The following DNAH3 variants were observed in gnomAD, a reference collection of about 807,000 sequenced individuals.
DNAH3 encodes the protein dynein axonemal heavy chain 3, also known as axonemal beta dynein heavy chain 3.
In DNAH3, 332 loss-of-function variants were observed where a neutral mutation model predicts 432.5. The ratio of observed to expected loss-of-function variants is 0.77; its 90% CI spans 0.70 to 0.84. DNAH3 has a LOEUF of 0.84. Ranked by LOEUF, DNAH3 falls within the 40% of genes least tolerant of loss-of-function variation. The pLI is 0.00. For missense variants in DNAH3, 4,861 were observed against 5,114.0 expected (o/e 0.95, Z 1.51); for synonymous variants, 1,956 against 1,900.2 (o/e 1.03, Z -0.76).
At position 21,097,472 on chromosome 16, in the gene DNAH3, C is replaced by T. The variant is rs200239399; in HGVS notation, c.2548G>A (p.Glu850Lys). The T allele has an allele frequency of 6.2e-7, 1 of 1,613,822 alleles. No individual in the cohort carries two copies. Among genetic ancestry groups the T allele is most frequent in the East Asian group, 2.2e-5 (1 of 44,868 alleles). ...AGAGGGTAAGTACTCTTCTCCTTTT[C>T]CAATAGCTCTTCCTCCTTATTGATC... The change falls in exon 18 of 62, where the codon GAA (glutamate) becomes AAA (lysine). Residue 850 changes from glutamate (E) to lysine (K), a missense_variant. Glu to Lys is a moderately conservative substitution (Grantham distance 56). Transcript: ENST00000261383.
At chr16:21,121,194 T>A in intron 10 of DNAH3, 1 of 400,484 alleles carries the variant, frequency 2.5e-6, no homozygotes, top group Non-Finnish European at 4.8e-6. Flanking sequence ...GGCCCTTTGG[T>A]CATACCAACC....
At chr16:20,944,727 C>T (rs1274084067) in intron 57 of DNAH3, 64 bp from the exon 58 acceptor site, 15 of 1,513,250 alleles carry the variant, frequency 9.9e-6, no homozygotes, top group Non-Finnish European at 1.4e-5. Flanking sequence ...TGACTCCAGG[C>T]TTAGCAGAAC....
intron 30 of DNAH3, 96 bp from the exon 31 acceptor site, chr16:21,049,778 G>C (rs1281670654): frequency 1.5e-6 from 2 of 1,368,660 alleles, no homozygotes; most frequent in African/African-American, 2.9e-5. Context: ...CTCTCTCCTT[G>C]CTCTGCTTGA....
At chr16:21,113,953 G>A (rs1314019781) in intron 12 of DNAH3, among the ~76,000 whole-genome samples, 1 of 152,180 alleles carries the variant, frequency 6.6e-6, no homozygotes, top group Admixed American at 6.5e-5. Flanking sequence ...TGAAACCGCA[G>A]ATAGTACTGA....
chr16:20,948,526 G>A (rs780935341), exon 57 of DNAH3: 2 of 1,614,050 alleles, frequency 1.2e-6, no homozygotes, highest in South Asian at 2.2e-5. Flanking sequence ...GTCTCCAGGA[G>A]CGAGGGAGTA....
chr16:21,078,903 A>G (rs534002162), intron 20 of DNAH3, among the ~76,000 whole-genome samples: 1 of 152,338 alleles, frequency 6.6e-6, no homozygotes, highest in African/African-American at 2.4e-5. Flanking sequence ...GTCCCCAGAC[A>G]TGGAATCAGT....
intron 32 of DNAH3, among the ~76,000 whole-genome samples, chr16:21,040,358 ATTTTTTTTTTTTTT>A (rs55797285): frequency 2.6e-4 from 21 of 79,712 alleles, no homozygotes; most frequent in African/African-American, 1.0e-3. Context: ...AGCCAGACAG[ATTTTTTTTTTTTTT>A]TTTTTTTTTT....
At position 21,050,091 on chromosome 16, in the gene DNAH3, T is replaced by G. The variant is rs941622942; in HGVS notation, c.4239-73A>C. The G allele has an allele frequency of 8.9e-6, 10 of 1,119,962 alleles. No individual in the cohort carries two copies. In the African/African-American group the frequency reaches 1.1e-4, roughly 12 times the overall value. The allele number at this position is 1,119,962 out of a possible 1,614,324, so 69.4% of individuals were successfully genotyped here. A position where few individuals can be genotyped will look rare whatever the true frequency, so the allele number is the denominator to read the frequency against. ...GAAAGAAACCGGCTTTTCATTTATT[T>G]TGACTCATACAAATATTTAGGTTAG... On this transcript the variant is annotated intron_variant, in intron 29 of 61. Coordinates refer to ENST00000261383, the Ensembl canonical transcript of DNAH3.
exon 33 of DNAH3, chr16:21,039,869 C>T (rs1290683614): frequency 1.2e-6 from 2 of 1,613,286 alleles, no homozygotes; most frequent in Non-Finnish European, 8.5e-7. Flanking sequence ...AGTCCAGAAA[C>T]CCCATGGAGT....
chr16:21,011,626 G>C (rs1271172448), intron 41 of DNAH3, among the ~76,000 whole-genome samples: 1 of 152,160 alleles, frequency 6.6e-6, no homozygotes, highest in African/African-American at 2.4e-5. Flanking sequence ...CTCCCAAAGT[G>C]CTGGGATTAC....
At chr16:20,961,385 A>G (rs376870885) in intron 53 of DNAH3, among the ~76,000 whole-genome samples, 247 of 152,176 alleles carry the variant, frequency 1.6e-3, no homozygotes, top group African/African-American at 5.6e-3. Context: ...TAGGAGATAC[A>G]CCTAATGTAA....
intron 5 of DNAH3, among the ~76,000 whole-genome samples, chr16:21,139,623 C>G (rs924971430): frequency 1.3e-5 from 2 of 151,694 alleles, no homozygotes; most frequent in African/African-American, 4.8e-5. Flanking sequence ...ACCACAGATG[C>G]ATGGTACCAT....
At chr16:20,985,423 C>A in exon 48 of DNAH3, 1 of 1,614,174 alleles carries the variant, frequency 6.2e-7, no homozygotes, top group Non-Finnish European at 8.5e-7. Context: ...GGCACTTTGC[C>A]GCCCGCTGCC....
chr16:20,938,518 C>G (rs756333288), intron 59 of DNAH3, among the ~76,000 whole-genome samples: 15 of 152,088 alleles, frequency 9.9e-5, no homozygotes, highest in Non-Finnish European at 2.2e-4. Context: ...TGCAAAGATT[C>G]TCTTTCTATT....
At chr16:21,079,782 T>TA (rs1270066175) in intron 20 of DNAH3, among the ~76,000 whole-genome samples, 3 of 152,246 alleles carry the variant, frequency 2.0e-5, no homozygotes, top group Admixed American at 2.0e-4. Context: ...TAAGGGTTTT[T>TA]ATCCTAAACC....
intron 55 of DNAH3, among the ~76,000 whole-genome samples, chr16:20,954,137 C>T (rs1173500391): frequency 3.3e-5 from 5 of 149,630 alleles, no homozygotes; most frequent in Non-Finnish European, 5.9e-5. Flanking sequence ...GTGGGAGGAT[C>T]GCTTGAACCT....
At chr16:21,083,798 G>C (rs573900380) in intron 19 of DNAH3, among the ~76,000 whole-genome samples, 1 of 152,250 alleles carries the variant, frequency 6.6e-6, no homozygotes, top group African/African-American at 2.4e-5. Flanking sequence ...GCTGTCCCCA[G>C]GGCGGCCTGT....
intron 20 of DNAH3, among the ~76,000 whole-genome samples, chr16:21,078,743 A>G (rs1007640719): frequency 6.6e-6 from 1 of 152,272 alleles, no homozygotes; most frequent in African/African-American, 2.4e-5. Flanking sequence ...GGGACTAATC[A>G]GTCTGGGAAT....
At chr16:21,146,147 G>A (rs1489258237) in intron 1 of DNAH3, 59 bp from the exon 3 acceptor site, 1 of 1,263,220 alleles carries the variant, frequency 7.9e-7, no homozygotes, top group African/African-American at 1.5e-5. Flanking sequence ...GCAAGCCTCT[G>A]AGTTGGTTAG....
Sources: gnomAD v4.1 joint callset for allele counts (sites outside exome capture counted in the v4.1 genomes callset) on GRCh38, gnomAD v4.1.1 for gene constraint, MANE v1.5 for transcripts, NCBI Gene and HGNC (gene_info 2026-07-23, HGNC 2026-07-21) for gene names.